Variants in ZNF416 observed in about 807,000 individuals in gnomAD.
The protein encoded by ZNF416 is zinc finger protein 416.
A neutral mutation model predicts 10.9 loss-of-function variants in ZNF416; 5 were observed. The ratio of observed to expected loss-of-function variants is 0.46; its 90% CI spans 0.24 to 0.97. ZNF416 has a LOEUF of 0.97. ZNF416 is among the 50% of genes least tolerant of loss of function. The pLI is 0.19. For synonymous variants in ZNF416, 267 were observed against 251.8 expected (o/e 1.06, Z -0.57); for missense variants, 675 against 715.0 (o/e 0.94, Z 0.64).
In ZNF416 at chr19:57,572,884, G is replaced by C; in HGVS notation, c.1020C>G (p.Asn340Lys). ...TGTGAATTCTGCAATGTTCAATAAGGTTGGAACTTTGGCTAAAAGATTTCC... is the reference window on the plus strand; with the variant it reads ...TGTGAATTCTGCAATGTTCAATAAGCTTGGAACTTTGGCTAAAAGATTTCC... ...ECGKSFSQSS[N>K]LIEHCRIHTG... is the part of the protein sequence containing the mutation. Residue 340 changes from asparagine to lysine, a missense_variant, in exon 4 of 4, where the codon AAC becomes AAG. Physicochemically the swap from Asn to Lys is moderately conservative, Grantham distance 94. Coordinates refer to ENST00000196489, the MANE Select transcript of ZNF416 (RefSeq NM_017879.3). This position sits in a 1 kb window ranked among gnomAD's most constrained non-coding sequence, Gnocchi z 4.5. 1 of 1,613,654 alleles carries C rather than the reference G, an allele frequency of 6.2e-7. No individual in the cohort carries two copies. The highest frequency in any genetic ancestry group is 1.7e-4 in the Middle Eastern group (1 of 6,056).
rs80005447 is a variant in ZNF416 at position 57,574,641 on chromosome 19, G to A, written c.203-940C>T. Among the ~76,000 whole-genome samples, 312 of 152,318 alleles carry A rather than the reference G, an allele frequency of 2.0e-3. 1 individual carries two copies. The highest frequency in any genetic ancestry group is 7.2e-3 in the African/African-American group (298 of 41,574). ...GGAACTGAAAGCAGGATAAGAAAGA[G>A]GCTGCTTGGCAGTAGTGGGCCTCTA... On this transcript the variant is annotated intron_variant, in intron 3 of 3. Transcript: ENST00000196489.
At position 57,573,456 on chromosome 19, in the gene ZNF416, C is replaced by G. The variant is rs192648597; in HGVS notation, c.448G>C (p.Glu150Gln). 8.7e-6 allele frequency: 14 copies of G among 1,614,248 alleles called. No individual in the cohort carries two copies. The African/African-American group carries it at 1.7e-4, about 20-fold the overall frequency. Residue 150 changes from glutamate to glutamine, a missense_variant, in exon 4 of 4, where the codon GAA becomes CAA. Glu to Gln is a conservative substitution (Grantham distance 29). Coordinates refer to ENST00000196489, the MANE Select transcript of ZNF416 (RefSeq NM_017879.3). Reference protein sequence around the residue: ...QKHHSAEKPLESDMDKASFVQ... With the variant: ...QKHHSAEKPLQSDMDKASFVQ... ...AATGAGGCCTTGTCCATGTCACTTTCCAAGGGTTTCTCTGCACTATGATGC... is the reference window on the plus strand; with the variant it reads ...AATGAGGCCTTGTCCATGTCACTTTGCAAGGGTTTCTCTGCACTATGATGC...
In ZNF416 at chr19:57,572,754, A is replaced by G; in HGVS notation, c.1150T>C (p.Cys384Arg). Residue 384 changes from cysteine (C) to arginine (R), a missense_variant, in exon 4 of 4, where the codon TGT becomes CGT. Coordinates refer to ENST00000196489, the MANE Select transcript of ZNF416 (RefSeq NM_017879.3). The surrounding 1 kb of genome is among the most constrained non-coding windows in gnomAD (Gnocchi z 4.5). ...RTHTGEKPYE[C>R]GECGKLFRQS... ...CTGAATAATTTCCCACATTCACCAC[A>G]CTCATATGGCTTTTCTCCTGTGTGA... The G allele has an allele frequency of 6.2e-7, 1 of 1,613,980 alleles. No homozygotes were observed. Among genetic ancestry groups the G allele is most frequent in the Non-Finnish European group, 8.5e-7 (1 of 1,180,006 alleles).
chr19:57,576,475 T>G (rs973257465), intron 2 of ZNF416, among the ~76,000 whole-genome samples: 2 of 152,120 alleles, frequency 1.3e-5, no homozygotes, highest in East Asian at 3.9e-4. Flanking sequence ...TGAGGTCCGG[T>G]GCCACTCAGG....
intron 2 of ZNF416, among the ~76,000 whole-genome samples, chr19:57,576,735 C>T (rs954249710): frequency 6.6e-6 from 1 of 152,076 alleles, no homozygotes; most frequent in African/African-American, 2.4e-5. Context: ...CCCAGATGAC[C>T]ACCTGTGCCC....
At position 57,572,362 on chromosome 19, in the gene ZNF416, T is replaced by C. The variant is rs2090198271; in HGVS notation, c.1542A>G (p.Lys514=). Residue 514 remains lysine (K), a synonymous_variant, in exon 4 of 4, where the codon AAA becomes AAG. Transcript: ENST00000196489. The surrounding 1 kb of genome is among the most constrained non-coding windows in gnomAD (Gnocchi z 4.5). The part of the protein sequence containing the change: ...RQSYTLVEHQ[K]IHTGLRPYDC... ...CGTAAGGCCTTAATCCAGTGTGAAT[T>C]TTCTGGTGTTCAACGAGGGTATAGC... 2.5e-6 allele frequency: 4 copies of C among 1,614,072 alleles called. No homozygotes were observed. The highest frequency in any genetic ancestry group is 3.4e-6 in the Non-Finnish European group (4 of 1,180,032).
At position 57,575,667 on chromosome 19, in the gene ZNF416, G is replaced by T; in HGVS notation, c.202+137C>A. ...GTCAGGGCTGATTAAGGAGTGCAAT[G>T]ATTTCATTCCTTACACCACAGCACA... On this transcript the variant is annotated intron_variant, in intron 3 of 3. Coordinates refer to ENST00000196489, the MANE Select transcript of ZNF416 (RefSeq NM_017879.3). This position sits in a 1 kb window ranked among gnomAD's most constrained non-coding sequence, Gnocchi z 4.4. The T allele has an allele frequency of 8.2e-7, 1 of 1,213,058 alleles. No homozygotes were observed. Among genetic ancestry groups the T allele is most frequent in the Non-Finnish European group, 1.2e-6 (1 of 831,508 alleles). The allele number at this position is 1,213,058 out of a possible 1,614,324, so 75.1% of individuals were successfully genotyped here. A position where few individuals can be genotyped will look rare whatever the true frequency, so the allele number is the denominator to read the frequency against.
At chr19:57,578,149 A>G in intron 1 of ZNF416, 51 bp from the exon 2 acceptor site, 1 of 1,593,664 alleles carries the variant, frequency 6.3e-7, no homozygotes, top group Non-Finnish European at 8.6e-7. Context: ...TGGAAGCTCC[A>G]TGGGCTGATG....
chr19:57,572,063 G>C lies in ZNF416; in HGVS notation c.*56C>G. The C allele has an allele frequency of 1.3e-6, 2 of 1,561,988 alleles. No homozygotes were observed. The highest frequency in any genetic ancestry group is 1.8e-4 in the Middle Eastern group (1 of 5,514). On this transcript the variant is annotated 3_prime_UTR_variant, in exon 4 of 4. Coordinates refer to ENST00000196489, the MANE Select transcript of ZNF416 (RefSeq NM_017879.3). This position sits in a 1 kb window ranked among gnomAD's most constrained non-coding sequence, Gnocchi z 4.5. ...CTCTATAGCCATAACACTGAAGAAA[G>C]ACATGGCACATTCCCTGCAGGTCTA...
At position 57,573,898 on chromosome 19, in the gene ZNF416, G is replaced by A. The variant is rs1011871186; in HGVS notation, c.203-197C>T. On this transcript the variant is annotated intron_variant, in intron 3 of 3. Transcript: ENST00000196489. ...TAAAAATACAAAAAATTATCCAGGC[G>A]TGGTGGTGGGTGCTACTCAAGAGGC... 5.9e-5 allele frequency among the ~76,000 whole-genome samples: 9 copies of A among 152,074 alleles called. 1 individual carries two copies. In the South Asian group the frequency reaches 8.3e-4, roughly 14 times the overall value.
chr19:57,572,470 T>A lies in ZNF416; in HGVS notation c.1434A>T (p.Lys478Asn). The change falls in exon 4 of 4, where the codon AAA (lysine) becomes AAT (asparagine). Residue 478 changes from lysine to asparagine, a missense_variant. Coordinates refer to ENST00000196489, the MANE Select transcript of ZNF416 (RefSeq NM_017879.3). The surrounding 1 kb of genome is among the most constrained non-coding windows in gnomAD (Gnocchi z 4.5). ...TTCTCTGGTGCCTAACAAGTTTAGA[T>A]TTGAACATAAAAGCTTTCCCACATT... is the stretch of plus-strand genomic sequence containing the variant. ...CGECGKAFMFKSKLVRHQRTH... is the reference protein window; with the variant it reads ...CGECGKAFMFNSKLVRHQRTH... The A allele has an allele frequency of 6.2e-7, 1 of 1,613,554 alleles. No individual in the cohort carries two copies. Among genetic ancestry groups the A allele is most frequent in the South Asian group, 1.1e-5 (1 of 91,034 alleles).
chr19:57,575,865 CTCA>C lies in ZNF416; in HGVS notation c.138_140del (p.Asp46del). On this transcript the variant is annotated inframe_deletion, in exon 3 of 4. Transcript: ENST00000196489. The surrounding 1 kb of genome is among the most constrained non-coding windows in gnomAD (Gnocchi z 4.4). ...CATCGCGGTACAGGAGCCTCTGAGC[CTCA>C]TCAAGGAGCCCCCATTCTTCCTGGG... 6.2e-7 allele frequency: 1 copy of C among 1,614,172 alleles called. No individual in the cohort carries two copies.
At chr19:57,576,597 C>G (rs1219355328) in intron 2 of ZNF416, among the ~76,000 whole-genome samples, 2 of 152,068 alleles carry the variant, frequency 1.3e-5, no homozygotes, top group African/African-American at 4.8e-5. Flanking sequence ...ACCTGGGGAT[C>G]TGACACCGAT....
chr19:57,572,440 G>A lies in ZNF416; in HGVS notation c.1464C>T (p.His488=), dbSNP rs746818643. 1 of 1,614,240 alleles carries A rather than the reference G, an allele frequency of 6.2e-7. No homozygotes were observed. The change falls in exon 4 of 4, where the codon CAC becomes CAT. Residue 488 remains histidine (H), a synonymous_variant. Coordinates refer to ENST00000196489, the MANE Select transcript of ZNF416 (RefSeq NM_017879.3). The surrounding 1 kb of genome is among the most constrained non-coding windows in gnomAD (Gnocchi z 4.5). ...TGCACTCAAAAGGCCTTTCTCCAGT[G>A]TGAGTTCTCTGGTGCCTAACAAGTT... is the stretch of plus-strand genomic sequence containing the variant. The part of the protein sequence containing the change: ...KSKLVRHQRT[H]TGERPFECSE...
At position 57,572,305 on chromosome 19, in the gene ZNF416, T is replaced by C. The variant is rs1477910561; in HGVS notation, c.1599A>G (p.Gln533=). 6 of 1,614,138 alleles carry C rather than the reference T, an allele frequency of 3.7e-6. No individual in the cohort carries two copies. Among genetic ancestry groups the C allele is most frequent in the Non-Finnish European group, 5.1e-6 (6 of 1,180,022 alleles). Residue 533 remains glutamine, a synonymous_variant, in exon 4 of 4, where the codon CAA becomes CAG. Transcript: ENST00000196489. The surrounding 1 kb of genome is among the most constrained non-coding windows in gnomAD (Gnocchi z 4.5). ...DCGQCGKSFI[Q]KSSLIQHQVV... Reference sequence around the variant, plus strand: ...CTTGGTGTTGAATGAGGCTAGACTTTTGGATAAAGGATTTCCCGCACTGTC... The same window carrying C: ...CTTGGTGTTGAATGAGGCTAGACTTCTGGATAAAGGATTTCCCGCACTGTC...
Position 57,572,916 on chromosome 19 carries a change from C to G in ZNF416, c.988G>C (p.Glu330Gln). Residue 330 changes from glutamate to glutamine, a missense_variant, in exon 4 of 4, where the codon GAA becomes CAA. By Grantham distance (29) the Glu-to-Gln change is conservative. Coordinates refer to ENST00000196489, the MANE Select transcript of ZNF416 (RefSeq NM_017879.3). The surrounding 1 kb of genome is among the most constrained non-coding windows in gnomAD (Gnocchi z 4.5). Reference sequence around the variant, plus strand: ...CTTTGGCTAAAAGATTTCCCACATTCACCACACTCGTAAGGCCTTTCTCCA... The same window carrying G: ...CTTTGGCTAAAAGATTTCCCACATTGACCACACTCGTAAGGCCTTTCTCCA... ...HTGERPYECG[E>Q]CGKSFSQSSN... is the part of the protein sequence containing the mutation. The G allele has an allele frequency of 1.2e-6, 2 of 1,614,122 alleles. No homozygotes were observed. The highest frequency in any genetic ancestry group is 1.7e-6 in the Non-Finnish European group (2 of 1,180,026).
At chr19:57,578,421 T>TTTAC in intron 1 of ZNF416, 1 of 534,052 alleles carries the variant, frequency 1.9e-6, no homozygotes. Flanking sequence ...AGAAAGAGCC[T>TTTAC]CATTTTACCA....
chr19:57,578,416 G>C, intron 1 of ZNF416: 1 of 527,026 alleles, frequency 1.9e-6, no homozygotes, highest in Non-Finnish European at 3.3e-6. Flanking sequence ...TGAAAAGAAA[G>C]AGCCTCATTT....
chr19:57,572,733 A>ATAAT lies in ZNF416; in HGVS notation c.1167_1170dup (p.Phe391IlefsTer22). ...ACAACAAGGCTGAAGCTTTGTCTGA[A>ATAAT]TAATTTCCCACATTCACCACACTCA... On this transcript the variant is annotated frameshift_variant, in exon 4 of 4. Transcript: ENST00000196489. LOFTEE classifies it low-confidence loss of function (END_TRUNC). The surrounding 1 kb of genome is among the most constrained non-coding windows in gnomAD (Gnocchi z 4.5). 6.2e-7 allele frequency: 1 copy of ATAAT among 1,614,070 alleles called. No homozygotes were observed. Among genetic ancestry groups the ATAAT allele is most frequent in the Non-Finnish European group, 8.5e-7 (1 of 1,180,010 alleles).
Sources: allele counts gnomAD v4.1 joint callset (sites outside exome capture counted in the v4.1 genomes callset), GRCh38; gene constraint gnomAD v4.1.1; non-coding constraint Gnocchi (gnomAD v3.1); transcripts MANE v1.5; gene names NCBI Gene and HGNC (gene_info 2026-07-23, HGNC 2026-07-21).